MCOLN1: variants seen among roughly 807,000 people sequenced by gnomAD.
The protein encoded by MCOLN1 is mucolipin-1.
MCOLN1 carries 50 observed loss-of-function variants against 70.3 expected under a neutral mutation model. That is an observed-to-expected ratio of 0.71 (90% CI 0.57 to 0.90). MCOLN1 has a LOEUF of 0.90. Ranked by LOEUF, MCOLN1 falls within the 40% of genes least tolerant of loss-of-function variation. MCOLN1 has a pLI of 0.00. For missense variants in MCOLN1, 598 were observed against 803.5 expected, an observed-to-expected ratio of 0.74 and a Z score of 3.09; for synonymous variants, 366 against 341.0, an observed-to-expected ratio of 1.07 and a Z score of -0.81.
Position 7,525,525 on chromosome 19 carries a change from A to G in MCOLN1, c.237+359A>G, listed in dbSNP as rs1441478828. ...AAGAAGCCGACTCTGAGGCTCAGAG[A>G]GGTTAGGAGACTTGCCCAAAGTCAC... is the stretch of plus-strand genomic sequence containing the variant. On this transcript the variant is annotated intron_variant, in intron 2 of 13. Transcript: ENST00000264079. This position sits in a 1 kb window ranked among gnomAD's most constrained non-coding sequence, Gnocchi z 4.2. The G allele has an allele frequency of 3.3e-6, 1 of 307,416 alleles. No individual in the cohort carries two copies. Among genetic ancestry groups the G allele is most frequent in the Non-Finnish European group, 6.3e-6 (1 of 158,872 alleles). The allele number at this position is 307,416 out of a possible 1,614,324, so 19.0% of individuals were successfully genotyped here.
chr19:7,524,917 G>A lies in MCOLN1; in HGVS notation c.32-44G>A, dbSNP rs755220885. The A allele has an allele frequency of 1.3e-6, 2 of 1,514,390 alleles. No homozygotes were observed. The highest frequency in any genetic ancestry group is 2.3e-5 in the South Asian group (2 of 88,708). The allele number at this position is 1,514,390 out of a possible 1,614,324, so 93.8% of individuals were successfully genotyped here. On this transcript the variant is annotated intron_variant, in intron 1 of 13. Transcript: ENST00000264079. This position sits in a 1 kb window ranked among gnomAD's most constrained non-coding sequence, Gnocchi z 4.1. ...CCTGGTTGGAGAAAGGGGAAAAGGG[G>A]AGTTGCCCAGGCCTCACCCCAGTGC...
intron 10 of MCOLN1, 87 bp from the exon 11 acceptor site, chr19:7,529,503 C>CG: frequency 7.6e-6 from 4 of 525,782 alleles, no homozygotes; most frequent in Non-Finnish European, 1.1e-5. Flanking sequence ...TCGGCAAGGC[C>CG]CCGCCCCTCC....
chr19:7,531,690 C>T (rs1043368754), intron 12 of MCOLN1, among the ~76,000 whole-genome samples: 2 of 151,474 alleles, frequency 1.3e-5, no homozygotes, highest in African/African-American at 2.4e-5. Context: ...TTTTTTGAGA[C>T]GGAGTCTCGC....
chr19:7,527,454 G>A, intron 4 of MCOLN1, 66 bp from the exon 5 acceptor site: 1 of 789,796 alleles, frequency 1.3e-6, no homozygotes, highest in Non-Finnish European at 2.3e-6. Flanking sequence ...GGCCACTGGG[G>A]ACTCTGGGGA....
Position 7,527,972 on chromosome 19 carries a change from C to A in MCOLN1, c.777+12C>A. On this transcript the variant is annotated intron_variant, in intron 6 of 13. Coordinates refer to ENST00000264079, the MANE Select transcript of MCOLN1 (RefSeq NM_020533.3). ...CCTTCAGCGTCCTGGTGAGGCCCCC[C>A]GGGAACCCACAGGGCTCCTGAGTTC... The A allele has an allele frequency of 6.2e-7, 1 of 1,608,480 alleles. No homozygotes were observed. The highest frequency in any genetic ancestry group is 8.5e-7 in the Non-Finnish European group (1 of 1,174,886).
chr19:7,527,556 C>T lies in MCOLN1; in HGVS notation c.608C>T (p.Pro203Leu), dbSNP rs746734538. 1.6e-5 allele frequency: 25 copies of T among 1,610,176 alleles called. No homozygotes were observed. The highest frequency in any genetic ancestry group is 5.5e-5 in the South Asian group (5 of 91,012). The change falls in exon 5 of 14, where the codon CCG becomes CTG. Residue 203 changes from proline to leucine, a missense_variant. Pro to Leu is a moderately conservative substitution (Grantham distance 98). Around this residue, in one of 3 missense-constraint regions of MCOLN1, gnomAD observed 461 missense variants for 588.4 expected, o/e 0.78. Coordinates refer to ENST00000264079, the MANE Select transcript of MCOLN1 (RefSeq NM_020533.3). ...GTGGATCCCCCCGAGCGGCCCCCTCCGCCCCCCAGCGACGATCTCACCCTC... is the reference window on the plus strand; with the variant it reads ...GTGGATCCCCCCGAGCGGCCCCCTCTGCCCCCCAGCGACGATCTCACCCTC... The part of the protein sequence containing the change: ...IQVDPPERPP[P>L]PPSDDLTLLE...
At chr19:7,523,790 G>C (rs911957609) in intron 1 of MCOLN1, among the ~76,000 whole-genome samples, 2 of 152,112 alleles carry the variant, frequency 1.3e-5, no homozygotes, top group African/African-American at 2.4e-5. Flanking sequence ...TTTATCTGCT[G>C]TGTCTCACTG....
chr19:7,533,487 C>G (rs1393933715), intron 12 of MCOLN1, 36 bp from the exon 13 acceptor site: 1 of 1,609,356 alleles, frequency 6.2e-7, no homozygotes, highest in Non-Finnish European at 8.5e-7. Flanking sequence ...GGTTGGGAGC[C>G]ACTTTCAGGC....
At position 7,530,208 on chromosome 19, in the gene MCOLN1, A is replaced by G. The variant is rs923414838; in HGVS notation, c.1360-78A>G. The G allele has an allele frequency of 5.4e-6, 7 of 1,299,886 alleles. No individual in the cohort carries two copies. The African/African-American group carries it at 8.8e-5, about 16-fold the overall frequency. The allele number at this position is 1,299,886 out of a possible 1,614,324, so 80.5% of individuals were successfully genotyped here. ...CAGCCACCAGCTCCTAGCCATTTGC[A>G]TGGGACCCCAGCCTGACCCCAGCCC... On this transcript the variant is annotated intron_variant, in intron 11 of 13. Coordinates refer to ENST00000264079, the MANE Select transcript of MCOLN1 (RefSeq NM_020533.3).
In MCOLN1 at chr19:7,528,338, C is replaced by A; in HGVS notation, c.877+81C>A. On this transcript the variant is annotated intron_variant, in intron 7 of 13. Transcript: ENST00000264079. The surrounding 1 kb of genome is among the most constrained non-coding windows in gnomAD (Gnocchi z 4.2). ...TTCCCCAAGCCCCAGATCAGCGCTG[C>A]CTGGGGGCCGTGACCTCCCCAGGAA... 7.3e-7 allele frequency: 1 copy of A among 1,375,942 alleles called. No homozygotes were observed. The highest frequency in any genetic ancestry group is 1.0e-6 in the Non-Finnish European group (1 of 971,218). The allele number at this position is 1,375,942 out of a possible 1,614,324, so 85.2% of individuals were successfully genotyped here. A position where few individuals can be genotyped will look rare whatever the true frequency, so the allele number is the denominator to read the frequency against.
At position 7,530,481 on chromosome 19, in the gene MCOLN1, G is replaced by A. The variant is rs2022640117; in HGVS notation, c.1555G>A (p.Gly519Ser). Residue 519 changes from glycine to serine, a missense_variant, in exon 12 of 14, where the codon GGC becomes AGC. Physicochemically the swap from Gly to Ser is moderately conservative, Grantham distance 56. Coordinates refer to ENST00000264079, the MANE Select transcript of MCOLN1 (RefSeq NM_020533.3). ...VLSLFIALIT[G>S]AYDTIKHPGG... Reference sequence around the variant, plus strand: ...CAGCCTCTTCATCGCGCTCATCACCGGCGCCTACGACACCATCAAGGTCAG... The same window carrying A: ...CAGCCTCTTCATCGCGCTCATCACCAGCGCCTACGACACCATCAAGGTCAG... 8 of 1,610,472 alleles carry A rather than the reference G, an allele frequency of 5.0e-6. No individual in the cohort carries two copies. The highest frequency in any genetic ancestry group is 6.8e-6 in the Non-Finnish European group (8 of 1,179,982).
In MCOLN1 at chr19:7,528,334, G is replaced by T. The variant is rs528137181; in HGVS notation, c.877+77G>T. 3 of 1,397,038 alleles carry T rather than the reference G, an allele frequency of 2.1e-6. No individual in the cohort carries two copies. Among genetic ancestry groups the T allele is most frequent in the Admixed American group, 1.7e-5 (1 of 57,196 alleles). 86.5% of individuals were successfully genotyped at this position (1,397,038 alleles called of 1,614,324 possible). A position where few individuals can be genotyped will look rare whatever the true frequency, so the allele number is the denominator to read the frequency against. On this transcript the variant is annotated intron_variant, in intron 7 of 13. Coordinates refer to ENST00000264079, the MANE Select transcript of MCOLN1 (RefSeq NM_020533.3). The surrounding 1 kb of genome is among the most constrained non-coding windows in gnomAD (Gnocchi z 4.2). ...GGGATTCCCCAAGCCCCAGATCAGC[G>T]CTGCCTGGGGGCCGTGACCTCCCCA...
chr19:7,533,006 T>C (rs1235889597), intron 12 of MCOLN1, among the ~76,000 whole-genome samples: 1 of 152,230 alleles, frequency 6.6e-6, no homozygotes, highest in Non-Finnish European at 1.5e-5. Flanking sequence ...AAGGAAGCCT[T>C]GGCTGGGACC....
At chr19:7,527,241 C>A in intron 4 of MCOLN1, 1 of 554,210 alleles carries the variant, frequency 1.8e-6, no homozygotes, top group Non-Finnish European at 3.2e-6. Context: ...TGCTGCACTC[C>A]ACCCTGGGTG....
Position 7,524,413 on chromosome 19 carries a change from A to T in MCOLN1, c.32-548A>T, listed in dbSNP as rs1457693202. ...ATGGGCCAGGTTATAATGAACCCAG[A>T]GGTCATCTTTTGGGTATTTGTCCAG... On this transcript the variant is annotated intron_variant, in intron 1 of 13. Coordinates refer to ENST00000264079, the MANE Select transcript of MCOLN1 (RefSeq NM_020533.3). The surrounding 1 kb of genome is among the most constrained non-coding windows in gnomAD (Gnocchi z 4.1). 6.6e-6 allele frequency among the ~76,000 whole-genome samples: 1 copy of T among 152,142 alleles called. No homozygotes were observed.
At position 7,533,802 on chromosome 19, in the gene MCOLN1, C is replaced by T. The variant is rs780247338; in HGVS notation, c.*7C>T. 6.2e-7 allele frequency: 1 copy of T among 1,614,182 alleles called. No homozygotes were observed. Among genetic ancestry groups the T allele is most frequent in the Admixed American group, 1.7e-5 (1 of 60,030 alleles). On this transcript the variant is annotated 3_prime_UTR_variant, in exon 14 of 14. Transcript: ENST00000264079. The stretch of plus-strand genomic sequence containing the variant: ...TTCGCTGCTGGTGAATTGATTCGAC[C>T]TGACTGCCGTTGGACCGTAGGCCCT...
chr19:7,529,735 C>T lies in MCOLN1; in HGVS notation c.1359+23C>T, dbSNP rs1248619629. The T allele has an allele frequency of 3.7e-6, 6 of 1,613,648 alleles. No homozygotes were observed. In the Admixed American group the frequency reaches 1.0e-4, roughly 27 times the overall value. On this transcript the variant is annotated intron_variant, in intron 11 of 13. Transcript: ENST00000264079. ...AAGGTACATCTAACCCCTGATGTCC[C>T]TGACATTGACCCTGTGACCTTGTCA...
At chr19:7,531,019 C>T (rs1048729247) in intron 12 of MCOLN1, among the ~76,000 whole-genome samples, 9 of 152,134 alleles carry the variant, frequency 5.9e-5, no homozygotes, top group African/African-American at 9.7e-5. Flanking sequence ...GGATTACAGG[C>T]GTGAGCCACC....
At chr19:7,523,953 C>T (rs1325334885) in intron 1 of MCOLN1, among the ~76,000 whole-genome samples, 1 of 151,852 alleles carries the variant, frequency 6.6e-6, no homozygotes, top group Non-Finnish European at 1.5e-5. Flanking sequence ...CTCAAGTGAT[C>T]CTCCCAACTC....
Sources: gnomAD v4.1 joint callset for allele counts (sites outside exome capture counted in the v4.1 genomes callset) on GRCh38, gnomAD v4.1.1 for gene constraint, gnomAD v4.1.1 regional missense constraint, Gnocchi (gnomAD v3.1) non-coding constraint, MANE v1.5 for transcripts, NCBI Gene and HGNC (gene_info 2026-07-23, HGNC 2026-07-21) for gene names.